SYTL5: variants seen among roughly 807,000 people sequenced by gnomAD.
The protein encoded by SYTL5 is synaptotagmin like 5.
In SYTL5, 34 loss-of-function variants were observed where a neutral mutation model predicts 55.9. That is an observed-to-expected ratio of 0.61 (90% CI 0.46 to 0.81). The LOEUF (loss-of-function observed/expected upper bound fraction) is 0.81. Among genes scored for constraint, SYTL5 ranks in the 30% least tolerant of loss-of-function variants. The pLI is 0.00. For synonymous variants in SYTL5, 221 were observed against 188.7 expected, an observed-to-expected ratio of 1.17 and a Z score of -1.40; for missense variants, 637 against 546.7, an observed-to-expected ratio of 1.17 and a Z score of -1.65.
the SYTL5 span, among the ~76,000 whole-genome samples, chrX:37,970,633 G>T: frequency 9.0e-6 from 1 of 111,509 alleles, no homozygotes; most frequent in Non-Finnish European, 1.9e-5. Context: ...GATTAATTTA[G>T]TAGTTTACCT....
chrX:37,914,058 A>G, the SYTL5 span, among the ~76,000 whole-genome samples: 1 of 112,158 alleles, frequency 8.9e-6, no homozygotes, highest in Non-Finnish European at 1.9e-5. Flanking sequence ...AGATGAAAAT[A>G]CATCATGAGA....
chrX:37,920,887 T>C, the SYTL5 span, among the ~76,000 whole-genome samples: 4 of 111,701 alleles, frequency 3.6e-5, no homozygotes, highest in African/African-American at 1.3e-4. Context: ...TGCATTTACC[T>C]GGAGCTTCCT....
chrX:38,026,083 A>G (rs1029595910), intron 1 of SYTL5, among the ~76,000 whole-genome samples: 1 of 112,716 alleles, frequency 8.9e-6, no homozygotes, highest in Non-Finnish European at 1.9e-5. Context: ...GATTCGTGGC[A>G]TGAAAATTTC....
At chrX:37,970,089 T>C in the SYTL5 span, among the ~76,000 whole-genome samples, 2 of 112,533 alleles carry the variant, frequency 1.8e-5, no homozygotes, top group African/African-American at 6.4e-5. Context: ...TATTTAGTTT[T>C]GTATTAGTGC....
intron 1 of SYTL5, among the ~76,000 whole-genome samples, chrX:38,024,149 T>G (rs1447052957): frequency 1.8e-5 from 2 of 110,499 alleles, no homozygotes; most frequent in Non-Finnish European, 3.8e-5. Context: ...CCTAATCTCT[T>G]GAATTGTAGC....
chrX:37,955,772 G>A, the SYTL5 span, among the ~76,000 whole-genome samples: 2 of 111,749 alleles, frequency 1.8e-5, no homozygotes, highest in South Asian at 7.5e-4. Flanking sequence ...TCCATGTTGG[G>A]CTTTGGTAAG....
At position 38,097,788 on chromosome X, in the gene SYTL5, A is replaced by G. The variant is rs781000461; in HGVS notation, c.1062+1554A>G. 2.7e-5 allele frequency among the ~76,000 whole-genome samples: 3 copies of G among 109,539 alleles called. No homozygotes were observed. The South Asian group carries it at 1.2e-3, about 43-fold the overall frequency. ...GCAAAGTTGGAAGACTTATACTACTAGATTTAAAAACTTACTCTACAGTTA... is the reference window on the plus strand; with the variant it reads ...GCAAAGTTGGAAGACTTATACTACTGGATTTAAAAACTTACTCTACAGTTA... On this transcript the variant is annotated intron_variant, in intron 9 of 16. Coordinates refer to ENST00000297875, the MANE Select transcript of SYTL5 (RefSeq NM_138780.3).
At chrX:38,009,853 A>G (rs1016200678) in intron 1 of SYTL5, among the ~76,000 whole-genome samples, 3 of 112,237 alleles carry the variant, frequency 2.7e-5, no homozygotes, top group African/African-American at 9.7e-5. Flanking sequence ...GACTCATTCT[A>G]TCTCATATAG....
At chrX:37,993,741 A>C in the SYTL5 span, among the ~76,000 whole-genome samples, 40 of 112,729 alleles carry the variant, frequency 3.5e-4, no homozygotes, top group African/African-American at 1.1e-3. Flanking sequence ...AAATTAGCTC[A>C]CAGACAATGC....
rs1443438516 is a variant in SYTL5, at chrX:38,108,636, G to A, written c.1371G>A (p.Arg457=). The A allele has an allele frequency of 5.0e-6, 6 of 1,202,896 alleles. No individual in the cohort carries two copies. The highest frequency in any genetic ancestry group is 6.7e-6 in the Non-Finnish European group (6 of 890,152). Residue 457 remains arginine (R), a synonymous_variant, in exon 12 of 17, where the codon CGG becomes CGA. Coordinates refer to ENST00000297875, the MANE Select transcript of SYTL5 (RefSeq NM_138780.3). ...CATATCTTCTTCCTGACAAGTCCCG[G>A]AACAACAAGCGTAAGACCAAAATCA... ...VKSYLLPDKS[R]NNKRKTKIRT...
chrX:37,949,149 C>T, the SYTL5 span: 1 of 111,621 alleles, frequency 9.0e-6, no homozygotes, highest in Non-Finnish European at 1.9e-5. Flanking sequence ...TATTATGGGG[C>T]TTCATGGAAA....
chrX:38,055,670 A>G lies in SYTL5; in HGVS notation c.329+1248A>G, dbSNP rs111239520. ...ATAGTAGAAGTGATCTTTCATTTTC[A>G]TCTTCTCTAAATGAGGACTACCGTT... On this transcript the variant is annotated intron_variant, in intron 3 of 16. Coordinates refer to ENST00000297875, the MANE Select transcript of SYTL5 (RefSeq NM_138780.3). Among the ~76,000 whole-genome samples, 24 of 112,098 alleles carry G rather than the reference A, an allele frequency of 2.1e-4. No individual in the cohort carries two copies. The Middle Eastern group carries it at 0.018, about 86-fold the overall frequency.
Position 38,071,651 on chromosome X carries a change from T to A in SYTL5, c.330-396T>A, listed in dbSNP as rs146484520. Among the ~76,000 whole-genome samples the A allele has an allele frequency of 8.4e-3, 934 of 111,749 alleles. 5 individuals carry two copies. The highest frequency in any genetic ancestry group is 0.037 in the Middle Eastern group (8 of 215). On this transcript the variant is annotated intron_variant, in intron 3 of 16. Coordinates refer to ENST00000297875, the MANE Select transcript of SYTL5 (RefSeq NM_138780.3). ...TGATCCCTATTGCTTGCATTGAAGATCACTTATCCACTAATGCAGTGGTTA... is the reference window on the plus strand; with the variant it reads ...TGATCCCTATTGCTTGCATTGAAGAACACTTATCCACTAATGCAGTGGTTA...
chrX:38,040,731 A>G (rs956864552), intron 2 of SYTL5, among the ~76,000 whole-genome samples: 4 of 111,712 alleles, frequency 3.6e-5, no homozygotes, highest in Non-Finnish European at 5.6e-5. Flanking sequence ...TCATCTGTTG[A>G]TGGCTGCTTC....
rs61288420 is a variant in SYTL5, at chrX:38,118,920, A to AATATATATATATATATATATAT, written c.1597-1418_1597-1417insATATATATATATATATATATAT. Among the ~76,000 whole-genome samples the AATATATATATATATATATATAT allele has an allele frequency of 1.7e-3, 148 of 88,951 alleles. 1 individual carries two copies. Among genetic ancestry groups the AATATATATATATATATATATAT allele is most frequent in the African/African-American group, 6.3e-3 (142 of 22,610 alleles). The allele number at this position is 88,951 out of a possible 115,157, so 77.2% of individuals were successfully genotyped here. A position where few individuals can be genotyped will look rare whatever the true frequency, so the allele number is the denominator to read the frequency against. Reference sequence around the variant, plus strand: ...CAGGTGCATGCCACCATGCCCAGCTAATATATATATATATATATATGTACG... The same window carrying AATATATATATATATATATATAT: ...CAGGTGCATGCCACCATGCCCAGCTAATATATATATATATATATATATATATATATATATATATATATGTACG... On this transcript the variant is annotated intron_variant, in intron 13 of 16. Transcript: ENST00000297875.
chrX:38,040,762 C>A (rs113984961), intron 2 of SYTL5, among the ~76,000 whole-genome samples: 28 of 111,776 alleles, frequency 2.5e-4, no homozygotes, highest in African/African-American at 9.1e-4. Flanking sequence ...CTATTGTGAA[C>A]AGTGCTGCAA....
At chrX:38,079,413 C>G (rs1350631490) in intron 6 of SYTL5, among the ~76,000 whole-genome samples, 7 of 111,858 alleles carry the variant, frequency 6.3e-5, no homozygotes, top group Non-Finnish European at 3.8e-5. Flanking sequence ...AAGAGCTTGT[C>G]AAATGGATGT....
intron 1 of SYTL5, among the ~76,000 whole-genome samples, chrX:38,022,468 T>C (rs1934589377): frequency 8.9e-6 from 1 of 111,862 alleles, no homozygotes; most frequent in African/African-American, 3.2e-5. Context: ...GGAGAATCTG[T>C]TTCCTTGTCT....
At chrX:38,083,028 G>A (rs1218055128) in intron 6 of SYTL5, among the ~76,000 whole-genome samples, 1 of 111,786 alleles carries the variant, frequency 8.9e-6, no homozygotes, top group Non-Finnish European at 1.9e-5. Context: ...TATGGAGTAA[G>A]TATTTGTTCC....
Sources: allele counts gnomAD v4.1 joint callset (sites outside exome capture counted in the v4.1 genomes callset), GRCh38; gene constraint gnomAD v4.1.1; transcripts MANE v1.5; gene names NCBI Gene and HGNC (gene_info 2026-07-23, HGNC 2026-07-21).